GPR183: variants seen among roughly 807,000 people sequenced by gnomAD.
GPR183 encodes EBV-induced G-protein coupled receptor 2.
GPR183 carries 9 observed loss-of-function variants against 19.7 expected under a neutral mutation model. The observed-to-expected ratio is 0.46, with a 90% CI of 0.28 to 0.80. The LOEUF (loss-of-function observed/expected upper bound fraction) is 0.80, where lower values mean the gene tolerates loss of function less well. Ranked by LOEUF, GPR183 falls within the 30% of genes least tolerant of loss-of-function variation. The probability of loss-of-function intolerance (pLI) is 0.13; values close to 1 mark genes in which losing one functional copy is unlikely to be tolerated. For missense variants in GPR183, 368 were observed against 446.7 expected, an observed-to-expected ratio of 0.82 and a Z score of 1.59; for synonymous variants, 160 against 155.1, an observed-to-expected ratio of 1.03 and a Z score of -0.24.
At chr13:99,298,941 A>AT (rs1329321265) in intron 1 of GPR183, among the ~76,000 whole-genome samples, 1 of 152,132 alleles carries the variant, frequency 6.6e-6, no homozygotes, top group Non-Finnish European at 1.5e-5. Flanking sequence ...TTGAAAATGT[A>AT]TTTTTTTCCA....
intron 1 of GPR183, among the ~76,000 whole-genome samples, chr13:99,305,998 G>A (rs1412396891): frequency 3.3e-5 from 5 of 151,998 alleles, no homozygotes; most frequent in African/African-American, 1.2e-4. Context: ...CAGGTTCAAG[G>A]GATTCTCCTG....
chr13:99,295,553 A>C lies in GPR183; in HGVS notation c.593T>G (p.Leu198Arg), dbSNP rs2044157389. 1 of 1,613,882 alleles carries C rather than the reference A, an allele frequency of 6.2e-7. No homozygotes were observed. The highest frequency in any genetic ancestry group is 1.7e-5 in the Admixed American group (1 of 59,988). The change falls in exon 2 of 2, where the codon CTT becomes CGT. Residue 198 changes from leucine to arginine, a missense_variant. Physicochemically the swap from Leu to Arg is moderately radical, Grantham distance 102. Transcript: ENST00000376414. This position sits in a 1 kb window ranked among gnomAD's most constrained non-coding sequence, Gnocchi z 4.1. Reference sequence around the variant, plus strand: ...TACATATCCTATGAAACATGCCCCAAGCAGAATCCAGGGAAGAGATTTAGT... The same window carrying C: ...TACATATCCTATGAAACATGCCCCACGCAGAATCCAGGGAAGAGATTTAGT... ...EETKSLPWIL[L>R]GACFIGYVLP...
Position 99,295,623 on chromosome 13 carries a change from CCTG to C in GPR183, c.520_522del (p.Gln174del). 2 of 1,614,150 alleles carry C rather than the reference CCTG, an allele frequency of 1.2e-6. No homozygotes were observed. Among genetic ancestry groups the C allele is most frequent in the Non-Finnish European group, 1.7e-6 (2 of 1,180,032 alleles). ...TCCATGCATGTAATCCTTTCAGCCT[CCTG>C]CTTTGACATAGGGTTGATGAGGAGT... On this transcript the variant is annotated inframe_deletion, in exon 2 of 2. Transcript: ENST00000376414. The surrounding 1 kb of genome is among the most constrained non-coding windows in gnomAD (Gnocchi z 4.1).
chr13:99,305,822 A>G (rs1375426703), intron 1 of GPR183, among the ~76,000 whole-genome samples: 1 of 152,334 alleles, frequency 6.6e-6, no homozygotes, highest in Non-Finnish European at 1.5e-5. Context: ...ATGCTAAAAT[A>G]TAAGAAGTGT....
intron 1 of GPR183, among the ~76,000 whole-genome samples, chr13:99,306,088 G>A (rs988935575): frequency 1.3e-5 from 2 of 152,048 alleles, no homozygotes; most frequent in African/African-American, 2.4e-5. Flanking sequence ...TAGAGATGGG[G>A]TTTCACCATG....
chr13:99,295,240 G>T lies in GPR183; in HGVS notation c.906C>A (p.Cys302Ter). ...CAAAGAAGTAGATAAAAGGGTCCAT[G>T]CAGCAATTGAAGTTCATCAGGCATA... is the stretch of plus-strand genomic sequence containing the variant. Reference protein sequence around the residue: ...FTVCLMNFNCCMDPFIYFFAC... With the variant: ...FTVCLMNFNC The change falls in exon 2 of 2, where the codon TGC becomes TGA. Residue 302 changes from cysteine (C) to a stop codon, truncating the protein, a stop_gained. Coordinates refer to ENST00000376414, the MANE Select transcript of GPR183 (RefSeq NM_004951.5). LOFTEE classifies it high-confidence loss of function. This position sits in a 1 kb window ranked among gnomAD's most constrained non-coding sequence, Gnocchi z 4.1. 6.2e-7 allele frequency: 1 copy of T among 1,614,114 alleles called. No homozygotes were observed. The highest frequency in any genetic ancestry group is 8.5e-7 in the Non-Finnish European group (1 of 1,179,994).
rs1175864360 is a variant in GPR183 at position 99,296,131 on chromosome 13, C to T, written c.15G>A (p.Met5Ile). 1.3e-6 allele frequency: 2 copies of T among 1,599,454 alleles called. No individual in the cohort carries two copies. The highest frequency in any genetic ancestry group is 1.7e-6 in the Non-Finnish European group (2 of 1,171,404). Residue 5 changes from methionine (M) to isoleucine (I), a missense_variant, in exon 2 of 2, where the codon ATG becomes ATA. Physicochemically the swap from Met to Ile is conservative, Grantham distance 10. Coordinates refer to ENST00000376414, the MANE Select transcript of GPR183 (RefSeq NM_004951.5). ...CAGAGGGCGGAGTAAAATTGTTTGC[C>T]ATTTGTATATCCATTGGTGGTGGTC... The part of the protein sequence containing the change: MDIQ[M>I]ANNFTPPSAT...
intron 1 of GPR183, among the ~76,000 whole-genome samples, chr13:99,304,962 GA>G (rs1555328159): frequency 6.6e-6 from 1 of 152,224 alleles, no homozygotes; most frequent in Non-Finnish European, 1.5e-5. Flanking sequence ...AGAACTGGGG[GA>G]AGGGAATGGG....
chr13:99,298,732 A>G lies in GPR183; in HGVS notation c.-18-2569T>C, dbSNP rs1022471193. Among the ~76,000 whole-genome samples the G allele has an allele frequency of 7.2e-5, 11 of 152,320 alleles. No homozygotes were observed. The East Asian group carries it at 1.7e-3, about 24-fold the overall frequency. On this transcript the variant is annotated intron_variant, in intron 1 of 1. Coordinates refer to ENST00000376414, the MANE Select transcript of GPR183 (RefSeq NM_004951.5). ...TTAAATAGAAAATCATAGGGATTTCATTGTGGAATAAAAGTAGAAAAAGAT... is the reference window on the plus strand; with the variant it reads ...TTAAATAGAAAATCATAGGGATTTCGTTGTGGAATAAAAGTAGAAAAAGAT...
chr13:99,294,888 G>A lies in GPR183; in HGVS notation c.*172C>T. On this transcript the variant is annotated 3_prime_UTR_variant, in exon 2 of 2. Coordinates refer to ENST00000376414, the MANE Select transcript of GPR183 (RefSeq NM_004951.5). ...ATTTTTATTGTGCTTTATGTTGTTT[G>A]CTTTATGTTGTTCTCTTGGGCTTAC... is the stretch of plus-strand genomic sequence containing the variant. The A allele has an allele frequency of 4.9e-6, 3 of 617,198 alleles. No homozygotes were observed. The highest frequency in any genetic ancestry group is 2.7e-6 in the Non-Finnish European group (1 of 366,910). 38.2% of individuals were successfully genotyped at this position (617,198 alleles called of 1,614,324 possible).
rs1270091982 is a variant in GPR183 at position 99,296,475 on chromosome 13, G to A, written c.-18-312C>T. On this transcript the variant is annotated intron_variant, in intron 1 of 1. Coordinates refer to ENST00000376414, the MANE Select transcript of GPR183 (RefSeq NM_004951.5). The stretch of plus-strand genomic sequence containing the variant: ...ACGCACTTTTGTGACAGAAGGGAAT[G>A]CACTAAATTTTTAGGCAGAAATTCC... Among the ~76,000 whole-genome samples the A allele has an allele frequency of 2.6e-5, 4 of 152,210 alleles. No individual in the cohort carries two copies. The East Asian group carries it at 7.7e-4, about 29-fold the overall frequency.
chr13:99,299,237 T>C (rs1282951136), intron 1 of GPR183, among the ~76,000 whole-genome samples: 4 of 152,206 alleles, frequency 2.6e-5, no homozygotes, highest in Non-Finnish European at 5.9e-5. Context: ...ATGTTTTACA[T>C]AGTTTATAAA....
At chr13:99,306,406 G>T (rs2044336400) in intron 1 of GPR183, among the ~76,000 whole-genome samples, 1 of 151,990 alleles carries the variant, frequency 6.6e-6, no homozygotes, top group Non-Finnish European at 1.5e-5. Flanking sequence ...CTTGTGTGTG[G>T]GGGGGCCACA....
intron 1 of GPR183, among the ~76,000 whole-genome samples, chr13:99,301,889 T>A (rs2044262384): frequency 6.6e-6 from 1 of 152,250 alleles, no homozygotes; most frequent in Admixed American, 6.5e-5. Context: ...TGCTGAAATG[T>A]CACCTTTGCC....
chr13:99,304,039 C>T (rs1482523413), intron 1 of GPR183, among the ~76,000 whole-genome samples: 1 of 152,110 alleles, frequency 6.6e-6, no homozygotes, highest in Non-Finnish European at 1.5e-5. Flanking sequence ...AGCAGCTTCC[C>T]GCCAGGCTCT....
intron 1 of GPR183, among the ~76,000 whole-genome samples, chr13:99,306,224 A>G (rs899194415): frequency 3.9e-5 from 6 of 152,180 alleles, no homozygotes; most frequent in African/African-American, 1.4e-4. Context: ...TAAAATATCC[A>G]TAACATATCT....
At chr13:99,305,137 G>A (rs939270352) in intron 1 of GPR183, among the ~76,000 whole-genome samples, 3 of 152,186 alleles carry the variant, frequency 2.0e-5, no homozygotes, top group African/African-American at 7.2e-5. Flanking sequence ...AAAAGATGGT[G>A]AATATCTAGA....
chr13:99,306,874 G>C (rs1355730279), intron 1 of GPR183, among the ~76,000 whole-genome samples: 1 of 152,060 alleles, frequency 6.6e-6, no homozygotes, highest in Non-Finnish European at 1.5e-5. Flanking sequence ...TAAAGCTTTA[G>C]AAAATATACC....
chr13:99,304,411 G>A lies in GPR183; in HGVS notation c.-19+2929C>T, dbSNP rs915319496. Among the ~76,000 whole-genome samples, 8 of 152,280 alleles carry A rather than the reference G, an allele frequency of 5.3e-5. No individual in the cohort carries two copies. In the South Asian group the frequency reaches 1.7e-3, roughly 32 times the overall value. On this transcript the variant is annotated intron_variant, in intron 1 of 1. Coordinates refer to ENST00000376414, the MANE Select transcript of GPR183 (RefSeq NM_004951.5). The stretch of plus-strand genomic sequence containing the variant: ...AGTGCTGTGCTCTGTCATAGTGTCT[G>A]CATCATTGATTTTCTTCCCTGTCTC...
Sources: allele counts gnomAD v4.1 joint callset (sites outside exome capture counted in the v4.1 genomes callset), GRCh38; gene constraint gnomAD v4.1.1; non-coding constraint Gnocchi (gnomAD v3.1); transcripts MANE v1.5; gene names NCBI Gene and HGNC (gene_info 2026-07-23, HGNC 2026-07-21).